The following KHDRBS3 variants were observed in gnomAD, a reference collection of about 807,000 sequenced individuals.
KHDRBS3 encodes the protein KH RNA binding domain containing, signal transduction associated 3.
Under a neutral mutation model 45.6 loss-of-function variants are expected in KHDRBS3, and 23 were observed. The observed-to-expected ratio is 0.50, with a 90% confidence interval of 0.36 to 0.72. The LOEUF (loss-of-function observed/expected upper bound fraction) is 0.72. Ranked by LOEUF, KHDRBS3 falls within the 30% of genes least tolerant of loss-of-function variation. The pLI is 0.00. For missense variants in KHDRBS3, 352 were observed against 424.8 expected, an observed-to-expected ratio of 0.83 and a Z score of 1.51; for synonymous variants, 162 against 156.5, an observed-to-expected ratio of 1.04 and a Z score of -0.26.
intron 5 of KHDRBS3, among the ~76,000 whole-genome samples, chr8:135,558,392 A>T (rs867372968): frequency 7.2e-5 from 11 of 152,226 alleles, no homozygotes; most frequent in African/African-American, 2.7e-4. Flanking sequence ...TTTTCAATTA[A>T]ACTAATGACT....
chr8:135,609,318 T>C (rs1049578910), intron 7 of KHDRBS3, among the ~76,000 whole-genome samples: 2 of 151,944 alleles, frequency 1.3e-5, no homozygotes, highest in African/African-American at 4.8e-5. Context: ...TTGTAAATTT[T>C]TTTTTCCCCT....
intron 1 of KHDRBS3, among the ~76,000 whole-genome samples, chr8:135,463,126 GGATCTTTGTCTT>G (rs1038380261): frequency 2.2e-4 from 34 of 152,168 alleles, no homozygotes; most frequent in African/African-American, 7.9e-4. Flanking sequence ...TGCTTTGTTT[GGATCTTTGTCTT>G]TCTTGGTAAA....
chr8:135,635,503 C>T (rs1350470590), intron 7 of KHDRBS3, among the ~76,000 whole-genome samples: 1 of 152,188 alleles, frequency 6.6e-6, no homozygotes, highest in Non-Finnish European at 1.5e-5. Context: ...CCTGCCTCAG[C>T]CTCCCGAGTA....
chr8:135,626,854 A>G (rs959087616), intron 7 of KHDRBS3, among the ~76,000 whole-genome samples: 3 of 145,388 alleles, frequency 2.1e-5, no homozygotes, highest in African/African-American at 7.4e-5. Context: ...GGCAGTTCTC[A>G]TAAGGAAAAC....
downstream of KHDRBS3, among the ~76,000 whole-genome samples, chr8:135,652,260 T>C (rs1350933766): frequency 6.6e-6 from 1 of 152,232 alleles, no homozygotes; most frequent in African/African-American, 2.4e-5. Flanking sequence ...CCCTTATCGA[T>C]GGAAAATCCC....
At chr8:135,515,388 A>AAAAAAAAAAAAC (rs1563735744) in intron 1 of KHDRBS3, among the ~76,000 whole-genome samples, 1 of 145,722 alleles carries the variant, frequency 6.9e-6, no homozygotes, top group Non-Finnish European at 1.5e-5. Flanking sequence ...AAAAAAAAAA[A>AAAAAAAAAAAAC]AAAAAAAAAA....
intron 1 of KHDRBS3, among the ~76,000 whole-genome samples, chr8:135,518,951 A>T (rs1160468616): frequency 6.6e-6 from 1 of 152,188 alleles, no homozygotes; most frequent in East Asian, 1.9e-4. Flanking sequence ...TTATAGAAAA[A>T]ATCAATAAAA....
At chr8:135,599,555 C>G (rs1026615770) in intron 6 of KHDRBS3, among the ~76,000 whole-genome samples, 14 of 152,214 alleles carry the variant, frequency 9.2e-5, no homozygotes, top group Admixed American at 9.2e-4. Context: ...AACTACATTT[C>G]CTGCCACTTG....
chr8:135,581,078 C>T (rs1828184094), intron 5 of KHDRBS3, among the ~76,000 whole-genome samples: 1 of 152,210 alleles, frequency 6.6e-6, no homozygotes, highest in African/African-American at 2.4e-5. Context: ...ATCCCAGACA[C>T]ACTGAAGAAG....
chr8:135,628,890 C>A (rs1381088621), intron 7 of KHDRBS3, among the ~76,000 whole-genome samples: 1 of 152,190 alleles, frequency 6.6e-6, no homozygotes, highest in East Asian at 1.9e-4. Flanking sequence ...TTCTGGCAGA[C>A]CTGTTCGAGG....
intron 2 of KHDRBS3, among the ~76,000 whole-genome samples, chr8:135,522,980 A>G (rs1031069184): frequency 1.3e-5 from 2 of 152,174 alleles, no homozygotes; most frequent in African/African-American, 2.4e-5. Context: ...AAGTGGGGGT[A>G]TATTTCTAAG....
intron 5 of KHDRBS3, among the ~76,000 whole-genome samples, chr8:135,570,928 A>AG (rs2130884080): frequency 6.6e-6 from 1 of 152,340 alleles, no homozygotes; most frequent in South Asian, 2.1e-4. Context: ...GAGCTGATGA[A>AG]GGGGAGACAA....
At chr8:135,556,204 A>C (rs996804849) in intron 4 of KHDRBS3, among the ~76,000 whole-genome samples, 18 of 152,192 alleles carry the variant, frequency 1.2e-4, no homozygotes, top group African/African-American at 4.1e-4. Context: ...ATACATGTGC[A>C]TGTGTCTTTA....
Position 135,457,985 on chromosome 8 carries a change from C to T in KHDRBS3, c.88+31C>T. ...GCGCCGGCCGTTAACTGCCGGCCGG[C>T]GGCGGTTGGGGGCCGGGTGGAAACG... On this transcript the variant is annotated intron_variant, in intron 1 of 8. Transcript: ENST00000355849. This position sits in a 1 kb window ranked among gnomAD's most constrained non-coding sequence, Gnocchi z 4.4. 1 of 1,558,086 alleles carries T rather than the reference C, an allele frequency of 6.4e-7. No homozygotes were observed. The highest frequency in any genetic ancestry group is 2.4e-5 in the East Asian group (1 of 41,016).
rs1821194604 is a variant in KHDRBS3, at chr8:135,457,897, G to T, written c.31G>T (p.Ala11Ser). ...GGAGAAGTACCTGCCCGAGCTGATG[G>T]CGGAGAAGGACTCCCTGGACCCCTC... is the stretch of plus-strand genomic sequence containing the variant. The part of the protein sequence containing the change: MEEKYLPELM[A>S]EKDSLDPSFT... The change falls in exon 1 of 9, where the codon GCG becomes TCG. Residue 11 changes from alanine to serine, a missense_variant. By Grantham distance (99) the Ala-to-Ser change is moderately conservative (BLOSUM62 1). Coordinates refer to ENST00000355849, the MANE Select transcript of KHDRBS3 (RefSeq NM_006558.3). The surrounding 1 kb of genome is among the most constrained non-coding windows in gnomAD (Gnocchi z 4.4). 1 of 1,600,832 alleles carries T rather than the reference G, an allele frequency of 6.2e-7. No homozygotes were observed. The highest frequency in any genetic ancestry group is 1.4e-5 in the African/African-American group (1 of 73,856).
At chr8:135,629,588 T>G (rs1177361433) in intron 7 of KHDRBS3, among the ~76,000 whole-genome samples, 1 of 152,218 alleles carries the variant, frequency 6.6e-6, no homozygotes, top group Non-Finnish European at 1.5e-5. Flanking sequence ...AACTCTGGGC[T>G]CTTAATCATT....
chr8:135,509,965 TCC>T (rs796226585), intron 1 of KHDRBS3, among the ~76,000 whole-genome samples: 1 of 140,602 alleles, frequency 7.1e-6, no homozygotes, highest in Admixed American at 7.2e-5. Context: ...AAATTTTCTT[TCC>T]CCCCCCCTTT....
intron 5 of KHDRBS3, among the ~76,000 whole-genome samples, chr8:135,566,894 T>C (rs188965977): frequency 1.3e-5 from 2 of 152,266 alleles, no homozygotes; most frequent in East Asian, 3.9e-4. Context: ...AATCCAGACA[T>C]GCATATTACA....
intron 1 of KHDRBS3, among the ~76,000 whole-genome samples, chr8:135,480,521 A>G (rs543985089): frequency 2.0e-4 from 31 of 152,308 alleles, no homozygotes; most frequent in African/African-American, 2.2e-4. Flanking sequence ...TAAGTTTCCA[A>G]GATTCTTGTC....
Sources: allele counts gnomAD v4.1 joint callset (sites outside exome capture counted in the v4.1 genomes callset), GRCh38; gene constraint gnomAD v4.1.1; non-coding constraint Gnocchi (gnomAD v3.1); transcripts MANE v1.5; gene names NCBI Gene and HGNC (gene_info 2026-07-23, HGNC 2026-07-21).